The following ZC3H12B variants were observed in gnomAD, a reference collection of about 807,000 sequenced individuals.
ZC3H12B encodes probable ribonuclease ZC3H12B.
Under a neutral mutation model 43.9 loss-of-function variants are expected in ZC3H12B, and 7 were observed. The observed-to-expected ratio is 0.16, with a 90% CI of 0.09 to 0.30. The LOEUF (loss-of-function observed/expected upper bound fraction) is 0.30. Ranked by LOEUF, ZC3H12B falls within the 10% of genes least tolerant of loss-of-function variation. The probability of loss-of-function intolerance (pLI) is 1.00; values close to 1 mark genes in which losing one functional copy is unlikely to be tolerated. For missense variants in ZC3H12B, 475 were observed against 670.2 expected, an observed-to-expected ratio of 0.71 and a Z score of 3.22; for synonymous variants, 222 against 241.7, an observed-to-expected ratio of 0.92 and a Z score of 0.76.
chrX:65,383,866 A>G (rs2066481309), intron 2 of ZC3H12B, among the ~76,000 whole-genome samples: 1 of 107,573 alleles, frequency 9.3e-6, no homozygotes, highest in Non-Finnish European at 1.9e-5. Context: ...AAGTCAGGAA[A>G]CAACAGGTGC....
At chrX:65,053,282 A>T in the ZC3H12B span, among the ~76,000 whole-genome samples, 1 of 110,019 alleles carries the variant, frequency 9.1e-6, no homozygotes, top group South Asian at 4.0e-4. Flanking sequence ...AACAGGCCCC[A>T]GGGTGTGATG....
the ZC3H12B span, among the ~76,000 whole-genome samples, chrX:65,217,548 G>GA: frequency 2.7e-5 from 3 of 112,105 alleles, no homozygotes; most frequent in African/African-American, 9.7e-5. Flanking sequence ...CAGGAAGCTT[G>GA]ACAAACATCA....
At chrX:65,443,950 A>T (rs1413974364) in intron 3 of ZC3H12B, among the ~76,000 whole-genome samples, 1 of 112,002 alleles carries the variant, frequency 8.9e-6, no homozygotes, top group Non-Finnish European at 1.9e-5. Flanking sequence ...TTGTTTTTTA[A>T]TCTATTGAGC....
rs369646034 is a variant in ZC3H12B at position 65,489,286 on chromosome X, T to G, written c.485T>G (p.Leu162Arg). ...TCAGAAGGGCAGATCAACTTGAGTC[T>G]GTTAGTGCCTCGTGGGCCCAGCTCC... Residue 162 changes from leucine to arginine, a missense_variant, in exon 1 of 5, where the codon CTG becomes CGG. Transcript: ENST00000338957. 71 of 1,209,857 alleles carry G rather than the reference T, an allele frequency of 5.9e-5. No homozygotes were observed. The highest frequency in any genetic ancestry group is 6.4e-5 in the Non-Finnish European group (57 of 895,202).
chrX:65,424,516 G>A (rs979732719), intron 3 of ZC3H12B, among the ~76,000 whole-genome samples: 2 of 112,149 alleles, frequency 1.8e-5, no homozygotes, highest in Non-Finnish European at 3.8e-5. Context: ...ATTGCTTTTG[G>A]TGTCTTTGTC....
chrX:65,132,442 G>A, the ZC3H12B span, among the ~76,000 whole-genome samples: 1 of 110,130 alleles, frequency 9.1e-6, no homozygotes, highest in Non-Finnish European at 1.9e-5. Flanking sequence ...AGGATGGTAA[G>A]GGGTGCATGG....
the ZC3H12B span, among the ~76,000 whole-genome samples, chrX:65,139,505 A>C: frequency 8.9e-6 from 1 of 111,792 alleles, no homozygotes. Context: ...TATATTTTGA[A>C]GTCAGGTAGT....
chrX:65,179,909 G>A, the ZC3H12B span, among the ~76,000 whole-genome samples: 1 of 111,715 alleles, frequency 9.0e-6, no homozygotes, highest in African/African-American at 3.3e-5. Flanking sequence ...CTTCACAGGT[G>A]TATTCTTCAA....
At chrX:65,382,937 C>T (rs2066464593) in intron 2 of ZC3H12B, among the ~76,000 whole-genome samples, 1 of 110,613 alleles carries the variant, frequency 9.0e-6, no homozygotes, top group African/African-American at 3.3e-5. Flanking sequence ...CAAACCACTG[C>T]TCAAGAAAAT....
chrX:65,194,082 C>A, the ZC3H12B span, among the ~76,000 whole-genome samples: 1 of 109,357 alleles, frequency 9.1e-6, no homozygotes, highest in Non-Finnish European at 1.9e-5. Flanking sequence ...TAATGCAGCC[C>A]CATGATCCTA....
the ZC3H12B span, among the ~76,000 whole-genome samples, chrX:65,224,920 C>T: frequency 5.3e-4 from 59 of 112,299 alleles, no homozygotes; most frequent in Non-Finnish European, 4.9e-4. Context: ...GCCTGCCTGC[C>T]TCTGTAGGCT....
chrX:65,273,946 C>A, the ZC3H12B span, among the ~76,000 whole-genome samples: 1 of 112,238 alleles, frequency 8.9e-6, no homozygotes, highest in Admixed American at 9.4e-5. Flanking sequence ...GGGAACACAG[C>A]AATTAATAAA....
chrX:65,253,479 G>A, the ZC3H12B span, among the ~76,000 whole-genome samples: 1 of 112,293 alleles, frequency 8.9e-6, no homozygotes, highest in African/African-American at 3.2e-5. Context: ...CTTGGTGCAG[G>A]AACAACATCC....
At chrX:65,353,401 G>A in the ZC3H12B span, among the ~76,000 whole-genome samples, 1 of 111,340 alleles carries the variant, frequency 9.0e-6, no homozygotes, top group African/African-American at 3.3e-5. Flanking sequence ...TAGTGTTCAA[G>A]TGAAAGGAAG....
At chrX:65,178,185 A>T in the ZC3H12B span, among the ~76,000 whole-genome samples, 1 of 112,186 alleles carries the variant, frequency 8.9e-6, no homozygotes, top group South Asian at 3.6e-4. Context: ...TTTAATAAAC[A>T]GTGTTGGAAA....
chrX:65,298,875 G>A, the ZC3H12B span, among the ~76,000 whole-genome samples: 3 of 111,515 alleles, frequency 2.7e-5, no homozygotes, highest in East Asian at 8.5e-4. Context: ...ATCTTCACAA[G>A]GCAGCAGGAA....
the ZC3H12B span, among the ~76,000 whole-genome samples, chrX:65,051,759 G>A: frequency 9.0e-6 from 1 of 110,775 alleles, no homozygotes; most frequent in African/African-American, 3.3e-5. Context: ...CCATCTCTCT[G>A]AGAATTTGGA....
At chrX:65,441,442 G>A (rs1018554398) in intron 3 of ZC3H12B, among the ~76,000 whole-genome samples, 2 of 111,730 alleles carry the variant, frequency 1.8e-5, no homozygotes, top group East Asian at 2.8e-4. Flanking sequence ...ATGTTTATCA[G>A]TAATTTGATT....
the ZC3H12B span, among the ~76,000 whole-genome samples, chrX:65,163,026 G>A: frequency 8.9e-6 from 1 of 111,967 alleles, no homozygotes; most frequent in Non-Finnish European, 1.9e-5. Flanking sequence ...GTTTGCTGGA[G>A]GTCCACTCCA....
Sources: allele counts gnomAD v4.1 joint callset (sites outside exome capture counted in the v4.1 genomes callset), GRCh38; gene constraint gnomAD v4.1.1; transcripts MANE v1.5; gene names NCBI Gene and HGNC (gene_info 2026-07-23, HGNC 2026-07-21).